The following DEPTOR variants were observed in gnomAD, a reference collection of about 807,000 sequenced individuals.
DEPTOR encodes the protein DEP domain containing MTOR interacting protein, also known as DEP domain-containing mTOR-interacting protein.
In DEPTOR, 41 loss-of-function variants were observed where a neutral mutation model predicts 41.6. The observed-to-expected ratio is 0.98, with a 90% CI of 0.77 to 1.28. DEPTOR has a LOEUF of 1.28. DEPTOR is among the 50% of genes most tolerant of loss of function. DEPTOR has a pLI of 0.00. For synonymous variants in DEPTOR, 195 were observed against 192.3 expected, an observed-to-expected ratio of 1.01 and a Z score of -0.12; for missense variants, 514 against 527.9, an observed-to-expected ratio of 0.97 and a Z score of 0.26.
At chr8:119,904,965 C>CT (rs71304920) in intron 1 of DEPTOR, among the ~76,000 whole-genome samples, 1,497 of 85,970 alleles carry the variant, frequency 0.017, 47 homozygotes, top group Middle Eastern at 0.041. Context: ...CTAATTTTTG[C>CT]TTTTTTTTTT....
At chr8:120,030,386 G>T (rs1244002967) in intron 8 of DEPTOR, among the ~76,000 whole-genome samples, 1 of 151,700 alleles carries the variant, frequency 6.6e-6, no homozygotes. Context: ...TATAATGGTG[G>T]GTACCGGTCA....
intron 1 of DEPTOR, among the ~76,000 whole-genome samples, chr8:119,886,836 T>C (rs989090585): frequency 2.6e-5 from 4 of 152,200 alleles, no homozygotes; most frequent in Non-Finnish European, 4.4e-5. Context: ...TGAGAATTTC[T>C]TTTAAACAAA....
intron 4 of DEPTOR, among the ~76,000 whole-genome samples, chr8:119,968,571 G>A (rs1828593640): frequency 6.6e-6 from 1 of 152,060 alleles, no homozygotes; most frequent in Admixed American, 6.6e-5. Flanking sequence ...CAAAGTACTG[G>A]GATTACAGGC....
At chr8:120,011,287 G>T (rs984144580) in intron 8 of DEPTOR, among the ~76,000 whole-genome samples, 2 of 152,178 alleles carry the variant, frequency 1.3e-5, no homozygotes, top group African/African-American at 4.8e-5. Flanking sequence ...GGAGGCACAG[G>T]CCCTGGGGTC....
chr8:119,982,494 G>A (rs1828781249), intron 4 of DEPTOR, among the ~76,000 whole-genome samples: 1 of 152,188 alleles, frequency 6.6e-6, no homozygotes, highest in Non-Finnish European at 1.5e-5. Context: ...AACAGAAAGT[G>A]CAGTAAAGAT....
At chr8:119,934,439 T>C (rs1240543357) in intron 3 of DEPTOR, among the ~76,000 whole-genome samples, 1 of 152,172 alleles carries the variant, frequency 6.6e-6, no homozygotes. Flanking sequence ...TGAGTGGCAA[T>C]GGCTGTAGGC....
At chr8:119,970,143 A>G (rs577780622) in intron 4 of DEPTOR, among the ~76,000 whole-genome samples, 9 of 152,334 alleles carry the variant, frequency 5.9e-5, no homozygotes, top group Admixed American at 4.6e-4. Flanking sequence ...ACATATTTAT[A>G]CAAATGTCTG....
chr8:119,908,288 T>A (rs1308257279), intron 1 of DEPTOR, among the ~76,000 whole-genome samples: 1 of 152,078 alleles, frequency 6.6e-6, no homozygotes, highest in Non-Finnish European at 1.5e-5. Context: ...TCTAATATAC[T>A]GGATAAAAAA....
At position 119,990,436 on chromosome 8, in the gene DEPTOR, G is replaced by A. The variant is rs149165710; in HGVS notation, c.605-11089G>A. Among the ~76,000 whole-genome samples the A allele has an allele frequency of 2.4e-3, 367 of 152,288 alleles. 1 individual carries two copies. The highest frequency in any genetic ancestry group is 4.5e-3 in the Non-Finnish European group (309 of 68,022). On this transcript the variant is annotated intron_variant, in intron 4 of 8. Coordinates refer to ENST00000286234, the MANE Select transcript of DEPTOR (RefSeq NM_022783.4). ...CCTCCCAAAGTGCGGGATTACAGGC[G>A]TGAGCCACCATGCCCGGCCACCCCA...
Position 120,017,519 on chromosome 8 carries a change from T to C in DEPTOR, c.1101+8386T>C, listed in dbSNP as rs560725247. 9.8e-5 allele frequency among the ~76,000 whole-genome samples: 15 copies of C among 152,322 alleles called. No individual in the cohort carries two copies. In the South Asian group the frequency reaches 3.1e-3, roughly 32 times the overall value. The stretch of plus-strand genomic sequence containing the variant: ...TCCGCAGAGAGAATTTGTATTCTTG[T>C]TGGAGTGGTCACGTGTTCACCTGGG... On this transcript the variant is annotated intron_variant, in intron 8 of 8. Coordinates refer to ENST00000286234, the MANE Select transcript of DEPTOR (RefSeq NM_022783.4).
chr8:119,889,185 C>G (rs534968054), intron 1 of DEPTOR, among the ~76,000 whole-genome samples: 1 of 152,146 alleles, frequency 6.6e-6, no homozygotes, highest in South Asian at 2.1e-4. Context: ...ATCAGGCATC[C>G]TTGGCAAAGA....
chr8:120,044,547 C>T (rs10095532), intron 8 of DEPTOR, among the ~76,000 whole-genome samples: 66,436 of 151,976 alleles, frequency 0.44, 15,379 homozygotes, highest in African/African-American at 0.58. Flanking sequence ...CAGAGTCTGA[C>T]TGGCCAAGCT....
chr8:119,946,362 A>G (rs1007359322), intron 3 of DEPTOR, among the ~76,000 whole-genome samples: 104 of 152,250 alleles, frequency 6.8e-4, no homozygotes, highest in African/African-American at 2.4e-3. Flanking sequence ...TGAACATATC[A>G]TAAGTGTGCA....
intron 1 of DEPTOR, among the ~76,000 whole-genome samples, chr8:119,921,577 A>T (rs1415734954): frequency 3.3e-5 from 5 of 152,184 alleles, no homozygotes; most frequent in Middle Eastern, 3.4e-3. Context: ...CATCATACTC[A>T]GTTTTCTTAA....
At chr8:119,952,533 G>C (rs547731218) in intron 3 of DEPTOR, among the ~76,000 whole-genome samples, 1 of 152,310 alleles carries the variant, frequency 6.6e-6, no homozygotes, top group African/African-American at 2.4e-5. Context: ...GTGTGCCATG[G>C]TGGTTTGCTG....
chr8:119,960,007 A>T (rs1054207250), intron 3 of DEPTOR, among the ~76,000 whole-genome samples: 1 of 152,076 alleles, frequency 6.6e-6, no homozygotes, highest in Non-Finnish European at 1.5e-5. Flanking sequence ...AGGTGGGCAG[A>T]TCACGAGGTC....
At position 120,029,712 on chromosome 8, in the gene DEPTOR, A is replaced by AT. The variant is rs528451512; in HGVS notation, c.1102-19857dup. Among the ~76,000 whole-genome samples, 61 of 152,102 alleles carry AT rather than the reference A, an allele frequency of 4.0e-4. 3 individuals are homozygous for AT. In the South Asian group the frequency reaches 0.012, roughly 30 times the overall value. ...CACCCAGCCAAGTTTTAAAATATGG[A>AT]TTTTTTTCTGCTGAAAAGAAAATGT... On this transcript the variant is annotated intron_variant, in intron 8 of 8. Transcript: ENST00000286234.
At chr8:120,001,435 T>C in intron 4 of DEPTOR, 90 bp from the exon 5 acceptor site, 2 of 1,173,076 alleles carry the variant, frequency 1.7e-6, no homozygotes, top group Non-Finnish European at 2.3e-6. Flanking sequence ...TTGAGACTTT[T>C]GCCGCTGTTG....
chr8:120,021,286 C>G (rs945052678), intron 8 of DEPTOR, among the ~76,000 whole-genome samples: 7 of 151,928 alleles, frequency 4.6e-5, no homozygotes, highest in African/African-American at 1.7e-4. Flanking sequence ...CACCTGTAAT[C>G]CAGGTACTTG....
Sources: gnomAD v4.1 joint callset for allele counts (sites outside exome capture counted in the v4.1 genomes callset) on GRCh38, gnomAD v4.1.1 for gene constraint, MANE v1.5 for transcripts, NCBI Gene and HGNC (gene_info 2026-07-23, HGNC 2026-07-21) for gene names.